The following PRODH2 variants were observed in gnomAD, a reference collection of about 807,000 sequenced individuals.
PRODH2 encodes proline dehydrogenase 2.
PRODH2 carries 49 observed loss-of-function variants against 51.9 expected under a neutral mutation model. The ratio of observed to expected loss-of-function variants is 0.94; its 90% CI spans 0.75 to 1.20. The LOEUF is 1.20. Ranked by LOEUF, PRODH2 falls within the 50% of genes most tolerant of loss-of-function variation. The pLI is 0.00. For missense variants in PRODH2, 597 were observed against 610.9 expected (o/e 0.98, Z 0.24); for synonymous variants, 249 against 260.7 (o/e 0.96, Z 0.43).
rs3761085 is a variant in PRODH2, at chr19:35,808,573, T to C, written c.598-1452A>G. 1.8e-4 allele frequency among the ~76,000 whole-genome samples: 27 copies of C among 152,194 alleles called. No individual in the cohort carries two copies. The East Asian group carries it at 2.9e-3, about 16-fold the overall frequency. ...TAGTCTTAGGCCCTCAGGGAGCTAT[T>C]TCAGACACCCACCAAATATTTAACT... On this transcript the variant is annotated intron_variant, in intron 4 of 9. Coordinates refer to ENST00000653904, the MANE Select transcript of PRODH2 (RefSeq NM_021232.2).
rs1243363267 is a variant in PRODH2 at position 35,802,143 on chromosome 19, G to C, written c.1198+48C>G. On this transcript the variant is annotated intron_variant, in intron 9 of 9. Transcript: ENST00000653904. The stretch of plus-strand genomic sequence containing the variant: ...AATAGGAGAAGGGCTCTGGCTGGGA[G>C]GGAGTAAGGCCTGGGGCTTGATGGG... 1.9e-6 allele frequency: 3 copies of C among 1,553,416 alleles called. No homozygotes were observed. The Admixed American group carries it at 5.0e-5, about 26-fold the overall frequency.
intron 7 of PRODH2, among the ~76,000 whole-genome samples, chr19:35,806,179 G>A (rs1253573175): frequency 6.6e-6 from 1 of 152,014 alleles, no homozygotes; most frequent in Non-Finnish European, 1.5e-5. Context: ...TTGAACTCCT[G>A]GCCTCAAGTG....
rs755061585 is a variant in PRODH2 at position 35,812,523 on chromosome 19, G to A, written c.208C>T (p.Arg70Trp). 9 of 1,614,124 alleles carry A rather than the reference G, an allele frequency of 5.6e-6. No individual in the cohort carries two copies. Among genetic ancestry groups the A allele is most frequent in the East Asian group, 4.5e-5 (2 of 44,888 alleles). The change falls in exon 2 of 10, where the codon CGG becomes TGG. Residue 70 changes from arginine to tryptophan, a missense_variant. Transcript: ENST00000653904. ...GCTCGGAGAAATGCGCCTGAGAGCC[G>A]GGAGCCCAGGAGTCGCCGAGACCAG... is the stretch of plus-strand genomic sequence containing the variant. ...QAWSRRLLGS[R>W]LSGAFLRASV...
intron 4 of PRODH2, among the ~76,000 whole-genome samples, chr19:35,810,340 A>G (rs1333841876): frequency 6.6e-6 from 1 of 151,504 alleles, no homozygotes; most frequent in South Asian, 2.1e-4. Flanking sequence ...AGGTTAGAAA[A>G]AGAAACATCA....
At position 35,802,958 on chromosome 19, in the gene PRODH2, C is replaced by T; in HGVS notation, c.1112+10G>A. On this transcript the variant is annotated intron_variant, in intron 8 of 9. Coordinates refer to ENST00000653904, the MANE Select transcript of PRODH2 (RefSeq NM_021232.2). ...GGCACCTATTTCCCGCCCATCCCTC[C>T]ACCTCATACCGCTTGGTTGCCTGGC... The T allele has an allele frequency of 1.3e-6, 2 of 1,527,998 alleles. No homozygotes were observed. Among genetic ancestry groups the T allele is most frequent in the Non-Finnish European group, 1.8e-6 (2 of 1,125,688 alleles). 94.7% of individuals were successfully genotyped at this position (1,527,998 alleles called of 1,614,324 possible).
intron 5 of PRODH2, 47 bp from the exon 6 acceptor site, chr19:35,806,877 G>A (rs1386924055): frequency 6.4e-7 from 1 of 1,559,022 alleles, no homozygotes; most frequent in Non-Finnish European, 8.7e-7. Context: ...GTCCAGCAGG[G>A]GCAGTGGAGC....
chr19:35,806,851 G>A (rs572320401), intron 5 of PRODH2, 21 bp from the exon 6 acceptor site: 16 of 1,577,552 alleles, frequency 1.0e-5, no homozygotes, highest in East Asian at 2.4e-5. Flanking sequence ...CAGAGACGAC[G>A]GTCAGGGCCC....
chr19:35,805,941 C>T (rs1432564698), intron 7 of PRODH2, among the ~76,000 whole-genome samples: 1 of 152,128 alleles, frequency 6.6e-6, no homozygotes, highest in African/African-American at 2.4e-5. Context: ...TGCCAAGCCC[C>T]TGGGTAACAT....
chr19:35,804,487 T>C (rs1403068026), intron 7 of PRODH2, among the ~76,000 whole-genome samples: 2 of 152,266 alleles, frequency 1.3e-5, no homozygotes, highest in African/African-American at 4.8e-5. Context: ...GATGTTCTTA[T>C]TCCATTTTAA....
intron 7 of PRODH2, among the ~76,000 whole-genome samples, chr19:35,804,998 C>T (rs559476410): frequency 5.2e-4 from 79 of 151,984 alleles, no homozygotes; most frequent in Non-Finnish European, 1.0e-3. Context: ...TGTATGATTC[C>T]ATTTATAAGA....
chr19:35,811,006 A>C (rs1338424367), intron 4 of PRODH2, among the ~76,000 whole-genome samples: 1 of 152,146 alleles, frequency 6.6e-6, no homozygotes, highest in Non-Finnish European at 1.5e-5. Flanking sequence ...TAGGGGGAAA[A>C]CATGTCTGCA....
intron 7 of PRODH2, among the ~76,000 whole-genome samples, chr19:35,805,752 C>A (rs182366729): frequency 5.5e-4 from 84 of 152,324 alleles, no homozygotes; most frequent in African/African-American, 1.8e-3. Flanking sequence ...GCCCTGGAGC[C>A]CCTGCAGATC....
intron 5 of PRODH2, 32 bp from the exon 6 acceptor site, chr19:35,806,862 CG>C (rs1568441925): frequency 1.3e-6 from 2 of 1,566,276 alleles, no homozygotes; most frequent in Non-Finnish European, 8.7e-7. Context: ...GTCAGGGCCC[CG>C]GGTGTCCAGC....
intron 4 of PRODH2, 21 bp downstream of exon 4, chr19:35,811,941 A>G (rs759918259): frequency 1.2e-6 from 2 of 1,611,678 alleles, no homozygotes; most frequent in Non-Finnish European, 1.7e-6. Flanking sequence ...TGTCCCCGAC[A>G]GTCCCGCTTG....
intron 4 of PRODH2, 35 bp downstream of exon 4, chr19:35,811,927 A>T (rs771702473): frequency 6.2e-7 from 1 of 1,600,014 alleles, no homozygotes; most frequent in Non-Finnish European, 8.6e-7. Context: ...AGTCCAAGGC[A>T]CTCTGTCCCC....
chr19:35,802,217 A>G lies in PRODH2; in HGVS notation c.1172T>C (p.Met391Thr), dbSNP rs756434198. ...CAGTGCTAGAGAGACGTGGTCACAC[A>G]TGCCCAGAAGTTGTCCGAAACAGAC... The part of the protein sequence containing the change: ...GTVCFGQLLG[M>T]CDHVSLALGQ... Residue 391 changes from methionine (M) to threonine (T), a missense_variant, in exon 9 of 10, where the codon ATG (methionine) becomes ACG (threonine). Met to Thr is a moderately conservative substitution (Grantham distance 81, BLOSUM62 -1). Coordinates refer to ENST00000653904, the MANE Select transcript of PRODH2 (RefSeq NM_021232.2). 11 of 1,614,066 alleles carry G rather than the reference A, an allele frequency of 6.8e-6. No individual in the cohort carries two copies. In the Admixed American group the frequency reaches 1.8e-4, roughly 27 times the overall value.
rs371135832 is a variant in PRODH2 at position 35,800,151 on chromosome 19, G to A, written c.1270C>T (p.Arg424Trp). 9 of 1,604,336 alleles carry A rather than the reference G, an allele frequency of 5.6e-6. No individual in the cohort carries two copies. The Admixed American group carries it at 1.0e-4, about 18-fold the overall frequency. The change falls in exon 10 of 10, where the codon CGG becomes TGG. Residue 424 changes from arginine to tryptophan, a missense_variant. Transcript: ENST00000653904. ...ACGCTCCGGTTCTCCTGGGCCCTCC[G>A]GATCAGGTAGGGGATTACCTCCTCC... ...SLEEVIPYLI[R>W]RAQENRSVLQ...
At chr19:35,805,873 G>A (rs1006333812) in intron 7 of PRODH2, among the ~76,000 whole-genome samples, 1 of 152,170 alleles carries the variant, frequency 6.6e-6, no homozygotes, top group Non-Finnish European at 1.5e-5. Context: ...AAGGAGGTGA[G>A]GGATGGGGCC....
At chr19:35,811,819 C>A in intron 4 of PRODH2, 143 bp downstream of exon 4, 1 of 800,290 alleles carries the variant, frequency 1.2e-6, no homozygotes, top group South Asian at 1.8e-5. Flanking sequence ...TCCATTTCAA[C>A]CATGCCTGGG....
Sources: gnomAD v4.1 joint callset for allele counts (sites outside exome capture counted in the v4.1 genomes callset) on GRCh38, gnomAD v4.1.1 for gene constraint, MANE v1.5 for transcripts, NCBI Gene and HGNC (gene_info 2026-07-23, HGNC 2026-07-21) for gene names.